The following IMMP2L variants were observed in gnomAD, a reference collection of about 807,000 sequenced individuals.
IMMP2L encodes the protein inner mitochondrial membrane peptidase subunit 2, also known as mitochondrial inner membrane protease subunit 2.
In IMMP2L, 18 loss-of-function variants were observed where a neutral mutation model predicts 19.3. The observed-to-expected ratio is 0.93, with a 90% CI of 0.64 to 1.38. The LOEUF (loss-of-function observed/expected upper bound fraction) is 1.38, where lower values mean the gene tolerates loss of function less well. IMMP2L is among the 40% of genes most tolerant of loss of function. IMMP2L has a pLI of 0.00. For missense variants in IMMP2L, 233 were observed against 218.2 expected (o/e 1.07, Z -0.43); for synonymous variants, 76 against 73.0 (o/e 1.04, Z -0.21).
intron 5 of IMMP2L, among the ~76,000 whole-genome samples, chr7:110,826,089 C>A (rs572222503): frequency 6.6e-6 from 1 of 152,316 alleles, no homozygotes; most frequent in African/African-American, 2.4e-5. Flanking sequence ...TGAAAAAATG[C>A]TCATCATCAC....
chr7:111,075,675 T>C (rs1795340849), intron 3 of IMMP2L, among the ~76,000 whole-genome samples: 1 of 152,100 alleles, frequency 6.6e-6, no homozygotes, highest in Non-Finnish European at 1.5e-5. Context: ...TATTTCACAT[T>C]AGATAATAGA....
chr7:110,909,617 T>G (rs995760475), intron 4 of IMMP2L, among the ~76,000 whole-genome samples: 1 of 152,138 alleles, frequency 6.6e-6, no homozygotes, highest in African/African-American at 2.4e-5. Context: ...TCTTTTTTTG[T>G]GAACTTACTT....
chr7:111,414,009 G>C (rs547677446), intron 3 of IMMP2L, among the ~76,000 whole-genome samples: 1 of 151,732 alleles, frequency 6.6e-6, no homozygotes, highest in Non-Finnish European at 1.5e-5. Context: ...AGCATCCCAA[G>C]TGGTTTCCTG....
intron 3 of IMMP2L, among the ~76,000 whole-genome samples, chr7:111,364,943 C>T (rs1236208397): frequency 6.6e-6 from 1 of 150,478 alleles, no homozygotes; most frequent in African/African-American, 2.5e-5. Context: ...TCACTCCAAC[C>T]TGGGCGACAG....
chr7:111,059,001 G>C (rs1202668479), intron 3 of IMMP2L, among the ~76,000 whole-genome samples: 1 of 150,178 alleles, frequency 6.7e-6, no homozygotes, highest in African/African-American at 2.5e-5. Context: ...TATTTATTTT[G>C]AGATGGAGTC....
intron 3 of IMMP2L, among the ~76,000 whole-genome samples, chr7:111,075,241 C>T (rs1039403945): frequency 6.7e-6 from 1 of 149,672 alleles, no homozygotes; most frequent in African/African-American, 2.5e-5. Flanking sequence ...ATTCTCCTGT[C>T]TCAGCCTCCT....
intron 3 of IMMP2L, among the ~76,000 whole-genome samples, chr7:111,156,576 T>G (rs1804669966): frequency 6.6e-6 from 1 of 152,118 alleles, no homozygotes; most frequent in Non-Finnish European, 1.5e-5. Context: ...TTGACACAAT[T>G]CATAAACACA....
At chr7:111,167,401 G>A (rs545785043) in intron 3 of IMMP2L, among the ~76,000 whole-genome samples, 140 of 151,936 alleles carry the variant, frequency 9.2e-4, no homozygotes, top group African/African-American at 3.3e-3. Context: ...TCTGCTCTGC[G>A]AAAAATGACC....
At chr7:111,362,177 C>T (rs1170009397) in intron 3 of IMMP2L, among the ~76,000 whole-genome samples, 1 of 152,012 alleles carries the variant, frequency 6.6e-6, no homozygotes, top group African/African-American at 2.4e-5. Context: ...AATTTATACA[C>T]ACTTTTTTGC....
intron 5 of IMMP2L, among the ~76,000 whole-genome samples, chr7:110,824,975 A>G (rs1214228142): frequency 1.3e-5 from 2 of 152,166 alleles, no homozygotes; most frequent in African/African-American, 4.8e-5. Context: ...TTAAGCTGAT[A>G]AGCAACTTCA....
chr7:111,328,560 C>T (rs1029440545), intron 3 of IMMP2L, among the ~76,000 whole-genome samples: 1 of 151,682 alleles, frequency 6.6e-6, no homozygotes, highest in Non-Finnish European at 1.5e-5. Context: ...TTTTACAAGC[C>T]CCAATACAGC....
At chr7:111,474,842 AT>A (rs1178795045) in intron 3 of IMMP2L, among the ~76,000 whole-genome samples, 1 of 152,084 alleles carries the variant, frequency 6.6e-6, no homozygotes. Context: ...AGAATAATGA[AT>A]TTTTAATAAA....
At chr7:111,302,582 T>C (rs565058765) in intron 3 of IMMP2L, among the ~76,000 whole-genome samples, 2 of 152,222 alleles carry the variant, frequency 1.3e-5, no homozygotes, top group African/African-American at 2.4e-5. Context: ...CTGTTCCCAT[T>C]ATATAAATAA....
chr7:111,396,391 G>T (rs1196413335), intron 3 of IMMP2L, among the ~76,000 whole-genome samples: 1 of 152,056 alleles, frequency 6.6e-6, no homozygotes, highest in Non-Finnish European at 1.5e-5. Flanking sequence ...ATCATTCTCA[G>T]CAAACCAACA....
chr7:110,752,882 G>C (rs1797807050), intron 5 of IMMP2L, among the ~76,000 whole-genome samples: 1 of 151,968 alleles, frequency 6.6e-6, no homozygotes, highest in Non-Finnish European at 1.5e-5. Flanking sequence ...ACAGATTTGA[G>C]GGAACAAATA....
At chr7:111,451,443 T>G (rs1839160915) in intron 3 of IMMP2L, among the ~76,000 whole-genome samples, 2 of 149,458 alleles carry the variant, frequency 1.3e-5, no homozygotes, top group African/African-American at 5.0e-5. Flanking sequence ...ACCATCATTC[T>G]CAGTAAACTA....
chr7:111,389,229 C>T (rs1315704695), intron 3 of IMMP2L, among the ~76,000 whole-genome samples: 1 of 152,066 alleles, frequency 6.6e-6, no homozygotes, highest in Non-Finnish European at 1.5e-5. Flanking sequence ...CATAGCTGTA[C>T]TCTTCAGAAA....
chr7:111,105,704 TC>T (rs1798470302), intron 3 of IMMP2L, among the ~76,000 whole-genome samples: 1 of 151,828 alleles, frequency 6.6e-6, no homozygotes, highest in Non-Finnish European at 1.5e-5. Flanking sequence ...ATGGGCTTGC[TC>T]TCTGTTGTTT....
At chr7:111,087,658 C>T (rs1796471730) in intron 3 of IMMP2L, among the ~76,000 whole-genome samples, 1 of 152,000 alleles carries the variant, frequency 6.6e-6, no homozygotes, top group South Asian at 2.1e-4. Flanking sequence ...AAGACATATA[C>T]TCCCTCTAGG....
Sources: allele counts gnomAD v4.1 joint callset (sites outside exome capture counted in the v4.1 genomes callset), GRCh38; gene constraint gnomAD v4.1.1; transcripts MANE v1.5; gene names NCBI Gene and HGNC (gene_info 2026-07-23, HGNC 2026-07-21).